Variants in MPPED1 observed in about 807,000 individuals in gnomAD.
MPPED1 encodes the protein metallophosphoesterase domain-containing protein 1.
In MPPED1, 16 loss-of-function variants were observed where a neutral mutation model predicts 36.2. The ratio of observed to expected loss-of-function variants is 0.44; its 90% CI spans 0.30 to 0.67. The LOEUF is 0.67. MPPED1 is among the 30% of genes least tolerant of loss of function. MPPED1 has a pLI of 0.10. For synonymous variants in MPPED1, 199 were observed against 191.3 expected (o/e 1.04, Z -0.33); for missense variants, 307 against 453.4 (o/e 0.68, Z 2.93).
In MPPED1 at chr22:43,485,135, C is replaced by T. The variant is rs190251744; in HGVS notation, c.632+10174C>T. On this transcript the variant is annotated intron_variant, in intron 4 of 6. Coordinates refer to ENST00000443721, the MANE Select transcript of MPPED1 (RefSeq NM_001044370.2). ...ACATGTACACACAATATCATGTACA[C>T]ACAGAAACATTCACATATGACATTC... 7.9e-5 allele frequency among the ~76,000 whole-genome samples: 12 copies of T among 152,190 alleles called. No individual in the cohort carries two copies. The East Asian group carries it at 2.3e-3, about 29-fold the overall frequency.
rs116467845 is a variant in MPPED1 at position 43,500,734 on chromosome 22, G to A, written c.749-1910G>A. 8.4e-3 allele frequency among the ~76,000 whole-genome samples: 1,273 copies of A among 152,154 alleles called. 18 individuals carry two copies. Among genetic ancestry groups the A allele is most frequent in the African/African-American group, 0.029 (1,216 of 41,482 alleles). On this transcript the variant is annotated intron_variant, in intron 5 of 6. Transcript: ENST00000443721. ...GTCCAGGATAACTCCTGCAGTGTGT[G>A]CCTGGGTTGGAGGGCCCCCAGGCTG...
At chr22:43,439,091 G>T (rs1930061238) in intron 3 of MPPED1, among the ~76,000 whole-genome samples, 1 of 152,196 alleles carries the variant, frequency 6.6e-6, no homozygotes, top group African/African-American at 2.4e-5. Context: ...ATCTAACGGG[G>T]CTCTGCGTGG....
At chr22:43,412,588 C>T (rs945785477) in intron 1 of MPPED1, among the ~76,000 whole-genome samples, 2 of 152,114 alleles carry the variant, frequency 1.3e-5, no homozygotes, top group Admixed American at 6.5e-5. Flanking sequence ...AGATAGGGAA[C>T]GAACGCTGGC....
chr22:43,456,405 G>A (rs1334527519), intron 3 of MPPED1, among the ~76,000 whole-genome samples: 1 of 152,176 alleles, frequency 6.6e-6, no homozygotes, highest in Non-Finnish European at 1.5e-5. Context: ...GGGACTGCAG[G>A]TGTGCACCAC....
chr22:43,423,871 A>G (rs1179335549), intron 1 of MPPED1, among the ~76,000 whole-genome samples: 1 of 152,234 alleles, frequency 6.6e-6, no homozygotes, highest in Admixed American at 6.5e-5. Flanking sequence ...AACAACGACA[A>G]AAAGTCTTCA....
intron 3 of MPPED1, among the ~76,000 whole-genome samples, chr22:43,473,141 G>C (rs1290643077): frequency 6.6e-6 from 1 of 152,242 alleles, no homozygotes; most frequent in African/African-American, 2.4e-5. Context: ...AAGAGGTAGA[G>C]TTTTTGGTCA....
At chr22:43,428,635 C>A (rs759037888) in intron 2 of MPPED1, among the ~76,000 whole-genome samples, 6 of 152,158 alleles carry the variant, frequency 3.9e-5, no homozygotes, top group Non-Finnish European at 4.4e-5. Flanking sequence ...AATAAATCCA[C>A]AATTTATATT....
intron 3 of MPPED1, among the ~76,000 whole-genome samples, chr22:43,472,114 C>T (rs757656666): frequency 6.6e-6 from 1 of 152,194 alleles, no homozygotes; most frequent in African/African-American, 2.4e-5. Flanking sequence ...TCCAAGGGGA[C>T]ACAGACACTC....
At chr22:43,444,898 CA>C (rs1930283277) in intron 3 of MPPED1, among the ~76,000 whole-genome samples, 1 of 151,816 alleles carries the variant, frequency 6.6e-6, no homozygotes, top group African/African-American at 2.4e-5. Flanking sequence ...ATAAAAATGA[CA>C]AAAATAGTAA....
chr22:43,485,368 A>G (rs4134426), intron 4 of MPPED1, among the ~76,000 whole-genome samples: 74,822 of 151,896 alleles, frequency 0.49, 18,502 homozygotes, highest in East Asian at 0.63. Flanking sequence ...ATTCATACAC[A>G]TATGAATTCA....
intron 3 of MPPED1, among the ~76,000 whole-genome samples, chr22:43,447,351 T>C (rs1159994472): frequency 6.6e-6 from 1 of 152,184 alleles, no homozygotes; most frequent in Non-Finnish European, 1.5e-5. Flanking sequence ...GTCATTTTCA[T>C]ACAGGATTTT....
intron 3 of MPPED1, among the ~76,000 whole-genome samples, chr22:43,473,699 G>T (rs970755838): frequency 6.6e-6 from 1 of 152,198 alleles, no homozygotes; most frequent in Admixed American, 6.5e-5. Context: ...CTGGCTCTCA[G>T]ATGGAGTAGG....
chr22:43,506,007 G>T lies in MPPED1; in HGVS notation c.*391G>T. On this transcript the variant is annotated 3_prime_UTR_variant, in exon 7 of 7. Transcript: ENST00000443721. ...ACACAAAATCTCCCTCTAACCACGG[G>T]TCTGTGTGGCGGCATGCCCCTGGGT... 5.9e-6 allele frequency: 1 copy of T among 170,112 alleles called. No individual in the cohort carries two copies. 10.5% of individuals were successfully genotyped at this position (170,112 alleles called of 1,614,324 possible).
intron 3 of MPPED1, among the ~76,000 whole-genome samples, chr22:43,435,540 C>A (rs998999893): frequency 1.3e-5 from 2 of 152,066 alleles, no homozygotes; most frequent in African/African-American, 4.8e-5. Flanking sequence ...CAGTGCCTGG[C>A]AAAGGTAGGG....
At chr22:43,501,347 C>T (rs1051997426) in intron 5 of MPPED1, among the ~76,000 whole-genome samples, 9 of 152,150 alleles carry the variant, frequency 5.9e-5, no homozygotes, top group Admixed American at 5.2e-4. Context: ...TTTTCCTTCT[C>T]CCCTCTTCTA....
At chr22:43,450,228 G>C (rs1162796861) in intron 3 of MPPED1, among the ~76,000 whole-genome samples, 1 of 152,204 alleles carries the variant, frequency 6.6e-6, no homozygotes, top group Non-Finnish European at 1.5e-5. Flanking sequence ...ACCTGGGCTA[G>C]TTTAATTCCT....
At chr22:43,496,002 AGATG>A (rs1932320610) in intron 4 of MPPED1, among the ~76,000 whole-genome samples, 1 of 53,492 alleles carries the variant, frequency 1.9e-5, no homozygotes. Flanking sequence ...GTGGTGGTGG[AGATG>A]GTGGTGGTGG....
intron 1 of MPPED1, among the ~76,000 whole-genome samples, chr22:43,422,221 CCTACT>C (rs1427126729): frequency 1.3e-5 from 2 of 152,226 alleles, no homozygotes; most frequent in African/African-American, 4.8e-5. Flanking sequence ...AGCCCTGCCA[CCTACT>C]CTCTGTGCAA....
chr22:43,447,728 A>G (rs1930394075), intron 3 of MPPED1, among the ~76,000 whole-genome samples: 2 of 150,440 alleles, frequency 1.3e-5, no homozygotes, highest in South Asian at 4.2e-4. Context: ...AGGGCATGAC[A>G]TTCTGCATTT....
Sources: gnomAD v4.1 joint callset for allele counts (sites outside exome capture counted in the v4.1 genomes callset) on GRCh38, gnomAD v4.1.1 for gene constraint, MANE v1.5 for transcripts, NCBI Gene and HGNC (gene_info 2026-07-23, HGNC 2026-07-21) for gene names.